E2F7: variants seen among roughly 807,000 people sequenced by gnomAD.
E2F7 encodes the protein E2F transcription factor 7, also known as transcription factor E2F7.
In E2F7, 35 loss-of-function variants were observed where a neutral mutation model predicts 81.1. The ratio of observed to expected loss-of-function variants is 0.43; its 90% confidence interval spans 0.33 to 0.57. The LOEUF is 0.57. Among genes scored for constraint, E2F7 ranks in the 20% least tolerant of loss-of-function variants. E2F7 has a pLI of 0.04. For missense variants in E2F7, 961 were observed against 1,093.7 expected (o/e 0.88, Z 1.71); for synonymous variants, 416 against 416.2 (o/e 1.00, Z 0.01).
At chr12:77,061,573 T>G (rs1955079078) in intron 2 of E2F7, among the ~76,000 whole-genome samples, 1 of 152,226 alleles carries the variant, frequency 6.6e-6, no homozygotes, top group Non-Finnish European at 1.5e-5. Flanking sequence ...GTAAGAGGCA[T>G]AGTAACTTCG....
At chr12:77,033,481 C>T (rs1325518298) in intron 8 of E2F7, among the ~76,000 whole-genome samples, 1 of 152,086 alleles carries the variant, frequency 6.6e-6, no homozygotes, top group African/African-American at 2.4e-5. Flanking sequence ...CACTGTACTC[C>T]AGCCTGGGTG....
chr12:77,028,099 T>G lies in E2F7; in HGVS notation c.1924A>C (p.Met642Leu). ...AGGGGTATAGATGCCCTGTTACCCATAGTCTTGGGAGAGGCAAGGTCTGTG... is the reference window on the plus strand; with the variant it reads ...AGGGGTATAGATGCCCTGTTACCCAGAGTCTTGGGAGAGGCAAGGTCTGTG... ...DSTDLASPKTMGNRASIPLKD... is the reference protein window; with the variant it reads ...DSTDLASPKTLGNRASIPLKD... The change falls in exon 11 of 13, where the codon ATG becomes CTG. Residue 642 changes from methionine (M) to leucine (L), a missense_variant. Physicochemically the swap from Met to Leu is conservative, Grantham distance 15 (BLOSUM62 2). Coordinates refer to ENST00000322886, the MANE Select transcript of E2F7 (RefSeq NM_203394.3). The G allele has an allele frequency of 6.2e-7, 1 of 1,614,168 alleles. No homozygotes were observed. Among genetic ancestry groups the G allele is most frequent in the Non-Finnish European group, 8.5e-7 (1 of 1,180,024 alleles).
At chr12:77,036,534 C>CA (rs111300553) in intron 7 of E2F7, among the ~76,000 whole-genome samples, 80,098 of 150,144 alleles carry the variant, frequency 0.53, 21,379 homozygotes, top group Admixed American at 0.57. Flanking sequence ...CCTTTGTCTC[C>CA]AAAAAAAATA....
chr12:77,043,045 G>A lies in E2F7; in HGVS notation c.1123+20C>T, dbSNP rs1441508944. 5 of 1,613,706 alleles carry A rather than the reference G, an allele frequency of 3.1e-6. No individual in the cohort carries two copies. Among genetic ancestry groups the A allele is most frequent in the Non-Finnish European group, 4.2e-6 (5 of 1,179,800 alleles). ...GAATTCTAAATAAAACAGCCTGCTA[G>A]CAAAACCACGCCACCTTACCACTTG... On this transcript the variant is annotated intron_variant, in intron 7 of 12. Coordinates refer to ENST00000322886, the MANE Select transcript of E2F7 (RefSeq NM_203394.3).
intron 4 of E2F7, among the ~76,000 whole-genome samples, chr12:77,047,035 C>T (rs1954949048): frequency 1.3e-5 from 2 of 152,112 alleles, no homozygotes; most frequent in South Asian, 2.1e-4. Context: ...TCTCATTCAC[C>T]GTAACCCGGC....
In E2F7 at chr12:77,024,010, G is replaced by A. The variant is rs1437977815; in HGVS notation, c.*5C>T. On this transcript the variant is annotated 3_prime_UTR_variant, in exon 13 of 13. Coordinates refer to ENST00000322886, the MANE Select transcript of E2F7 (RefSeq NM_203394.3). Reference sequence around the variant, plus strand: ...GATCCCACCCCCACCTGGCAAAGCGGCAGGTTAGTCAGCGCCGCCGCTGGG... The same window carrying A: ...GATCCCACCCCCACCTGGCAAAGCGACAGGTTAGTCAGCGCCGCCGCTGGG... 1 of 1,612,538 alleles carries A rather than the reference G, an allele frequency of 6.2e-7. No individual in the cohort carries two copies. The highest frequency in any genetic ancestry group is 1.1e-5 in the South Asian group (1 of 90,954).
intron 2 of E2F7, among the ~76,000 whole-genome samples, chr12:77,059,243 C>A (rs1319680255): frequency 6.6e-6 from 1 of 152,062 alleles, no homozygotes; most frequent in Non-Finnish European, 1.5e-5. Context: ...AAAATGCCAA[C>A]CCAATTGTTT....
In E2F7 at chr12:77,030,085, G is replaced by T; in HGVS notation, c.1630C>A (p.Gln544Lys). ...ESLKPALLAG[Q>K]PLVYVPSASL... ...GCAGAGGGCACATACACTAGAGGCT[G>T]GCCAGCAAGGAGTGCTGGCTTCAGG... Residue 544 changes from glutamine to lysine, a missense_variant, in exon 10 of 13, where the codon CAG becomes AAG. Around this residue, in one of 3 missense-constraint regions of E2F7, gnomAD observed 587 missense variants for 620.3 expected, o/e 0.95. Transcript: ENST00000322886. 3.1e-6 allele frequency: 5 copies of T among 1,614,172 alleles called. No individual in the cohort carries two copies. Among genetic ancestry groups the T allele is most frequent in the Non-Finnish European group, 4.2e-6 (5 of 1,180,034 alleles).
intron 2 of E2F7, among the ~76,000 whole-genome samples, chr12:77,057,488 G>A (rs1315946124): frequency 1.3e-5 from 2 of 152,164 alleles, no homozygotes; most frequent in African/African-American, 2.4e-5. Context: ...AGGATTACAG[G>A]CATGAGCCAC....
intron 2 of E2F7, among the ~76,000 whole-genome samples, chr12:77,058,452 A>G (rs1360014778): frequency 6.6e-6 from 1 of 152,184 alleles, no homozygotes; most frequent in Non-Finnish European, 1.5e-5. Context: ...CTTAAAAATG[A>G]GCCTGTGTCC....
At position 77,023,996 on chromosome 12, in the gene E2F7, C is replaced by A. The variant is rs183049485; in HGVS notation, c.*19G>T. On this transcript the variant is annotated 3_prime_UTR_variant, in exon 13 of 13. Coordinates refer to ENST00000322886, the MANE Select transcript of E2F7 (RefSeq NM_203394.3). Reference sequence around the variant, plus strand: ...CTCTCAGGGCGTTTGATCCCACCCCCACCTGGCAAAGCGGCAGGTTAGTCA... The same window carrying A: ...CTCTCAGGGCGTTTGATCCCACCCCAACCTGGCAAAGCGGCAGGTTAGTCA... 22 of 1,611,560 alleles carry A rather than the reference C, an allele frequency of 1.4e-5. No individual in the cohort carries two copies. Among genetic ancestry groups the A allele is most frequent in the East Asian group, 2.2e-5 (1 of 44,836 alleles).
intron 2 of E2F7, among the ~76,000 whole-genome samples, chr12:77,056,851 G>A (rs138237641): frequency 2.5e-3 from 384 of 151,338 alleles, no homozygotes; most frequent in African/African-American, 8.8e-3. Flanking sequence ...TAGATATGGT[G>A]GCAATACTGA....
At chr12:77,052,000 T>A (rs1954993370) in intron 3 of E2F7, among the ~76,000 whole-genome samples, 1 of 152,242 alleles carries the variant, frequency 6.6e-6, no homozygotes, top group Non-Finnish European at 1.5e-5. Context: ...TAAAGTCTGC[T>A]GCATTCCTGT....
At chr12:77,051,157 C>T (rs1046825461) in intron 3 of E2F7, among the ~76,000 whole-genome samples, 4 of 152,270 alleles carry the variant, frequency 2.6e-5, no homozygotes, top group African/African-American at 9.6e-5. Context: ...AAGTTTCAGA[C>T]GCACTGGCCT....
intron 9 of E2F7, among the ~76,000 whole-genome samples, chr12:77,030,853 G>C (rs1415794169): frequency 6.6e-6 from 1 of 152,172 alleles, no homozygotes; most frequent in African/African-American, 2.4e-5. Context: ...CATGTTCTCA[G>C]TGACTGTGAG....
rs1250692476 is a variant in E2F7 at position 77,024,042 on chromosome 12, T to C, written c.2709A>G (p.Leu903=). The C allele has an allele frequency of 6.2e-7, 1 of 1,613,992 alleles. No homozygotes were observed. The highest frequency in any genetic ancestry group is 1.1e-5 in the South Asian group (1 of 91,070). Reference sequence around the variant, plus strand: ...AGTCAGCGCCGCCGCTGGGGATTTCTAGTCTCCTCTGGGCCGAGCTGGTGT... The same window carrying C: ...AGTCAGCGCCGCCGCTGGGGATTTCCAGTCTCCTCTGGGCCGAGCTGGTGT... The part of the protein sequence containing the change: ...SRNTSSAQRR[L]EIPSGGAD Residue 903 remains leucine, a synonymous_variant, in exon 13 of 13, where the codon CTA becomes CTG. Transcript: ENST00000322886.
At chr12:77,058,336 C>T (rs1955051512) in intron 2 of E2F7, among the ~76,000 whole-genome samples, 1 of 152,134 alleles carries the variant, frequency 6.6e-6, no homozygotes, top group Non-Finnish European at 1.5e-5. Context: ...GAAACTGAGG[C>T]ACAGAGAAGT....
intron 3 of E2F7, among the ~76,000 whole-genome samples, chr12:77,051,780 C>G (rs1018322624): frequency 6.6e-6 from 1 of 152,216 alleles, no homozygotes; most frequent in African/African-American, 2.4e-5. Flanking sequence ...CCCATTATCA[C>G]TTTCTCTTCT....
At chr12:77,025,209 G>A (rs1355595860) in intron 12 of E2F7, among the ~76,000 whole-genome samples, 2 of 151,974 alleles carry the variant, frequency 1.3e-5, no homozygotes, top group Non-Finnish European at 2.9e-5. Context: ...AAAATTTAGG[G>A]TAGCTTCTTT....
Sources: allele counts gnomAD v4.1 joint callset (sites outside exome capture counted in the v4.1 genomes callset), GRCh38; gene constraint gnomAD v4.1.1; regional missense constraint gnomAD v4.1.1; transcripts MANE v1.5; gene names NCBI Gene and HGNC (gene_info 2026-07-23, HGNC 2026-07-21).